CIT: variants seen among roughly 807,000 people sequenced by gnomAD.
CIT encodes the protein citron Rho-interacting kinase.
Under a neutral mutation model 272.7 loss-of-function variants are expected in CIT, and 79 were observed. The observed-to-expected ratio is 0.29, with a 90% CI of 0.24 to 0.35. CIT has a LOEUF of 0.35. CIT is among the 10% of genes least tolerant of loss of function. The probability of loss-of-function intolerance (pLI) is 1.00; values close to 1 mark genes in which losing one functional copy is unlikely to be tolerated. For missense variants in CIT, 1,909 were observed against 2,618.3 expected (o/e 0.73, Z 5.91); for synonymous variants, 948 against 995.6 (o/e 0.95, Z 0.90).
chr12:119,794,784 C>T (rs1247827248), intron 10 of CIT, among the ~76,000 whole-genome samples: 4 of 152,140 alleles, frequency 2.6e-5, no homozygotes, highest in Non-Finnish European at 5.9e-5. Flanking sequence ...TCCAAAGCAC[C>T]CCATACCCAT....
Position 119,690,801 on chromosome 12 carries a change from C to G in CIT, c.5883-347G>C, listed in dbSNP as rs535271521. 6.6e-6 allele frequency among the ~76,000 whole-genome samples: 1 copy of G among 152,354 alleles called. No individual in the cohort carries two copies. Among genetic ancestry groups the G allele is most frequent in the South Asian group, 2.1e-4 (1 of 4,832 alleles). ...ATGAACAAGCATGACCCTCACTGTA[C>G]AGGCAAGAAAATGGGGACAGACAGG... On this transcript the variant is annotated intron_variant, in intron 46 of 47. Transcript: ENST00000392521. This position sits in a 1 kb window ranked among gnomAD's most constrained non-coding sequence, Gnocchi z 6.0.
chr12:119,855,362 G>A (rs1970517875), intron 4 of CIT, among the ~76,000 whole-genome samples: 1 of 152,140 alleles, frequency 6.6e-6, no homozygotes, highest in African/African-American at 2.4e-5. Flanking sequence ...GGCGGAGCTT[G>A]CAGTGAGCTG....
At chr12:119,775,158 A>C (rs1056733690) in intron 16 of CIT, among the ~76,000 whole-genome samples, 1 of 151,966 alleles carries the variant, frequency 6.6e-6, no homozygotes, top group African/African-American at 2.4e-5. Flanking sequence ...CTGTAATCCC[A>C]GCTATTCAGG....
At chr12:119,835,440 G>A (rs78524214) in intron 5 of CIT, among the ~76,000 whole-genome samples, 2,208 of 152,102 alleles carry the variant, frequency 0.015, 29 homozygotes, top group Non-Finnish European at 0.02. Context: ...TTTCTGCTCT[G>A]GCCAGCAAAA....
intron 19 of CIT, among the ~76,000 whole-genome samples, chr12:119,763,333 A>G (rs985436598): frequency 3.5e-4 from 2 of 5,792 alleles, no homozygotes; most frequent in African/African-American, 5.0e-3. Context: ...CGATCCTCCC[A>G]CCTCAGGCTC....
chr12:119,821,515 G>C (rs1160951942), intron 9 of CIT, among the ~76,000 whole-genome samples: 1 of 152,148 alleles, frequency 6.6e-6, no homozygotes, highest in Non-Finnish European at 1.5e-5. Context: ...ACAGATAGGA[G>C]GGTGGGGGAC....
At chr12:119,797,604 CAG>C (rs1442173426) in intron 10 of CIT, among the ~76,000 whole-genome samples, 2 of 152,216 alleles carry the variant, frequency 1.3e-5, no homozygotes, top group Non-Finnish European at 2.9e-5. Context: ...CTTCGTGTAG[CAG>C]AGACGACTCT....
At chr12:119,743,368 G>A (rs1027017909) in intron 23 of CIT, among the ~76,000 whole-genome samples, 4 of 152,144 alleles carry the variant, frequency 2.6e-5, no homozygotes, top group Non-Finnish European at 4.4e-5. Flanking sequence ...GACAGGAGAC[G>A]GCAGAGGGAG....
intron 23 of CIT, among the ~76,000 whole-genome samples, chr12:119,746,851 A>G (rs1959487882): frequency 6.6e-6 from 1 of 152,218 alleles, no homozygotes; most frequent in South Asian, 2.1e-4. Flanking sequence ...TAACTACTGA[A>G]CTAGTCACAG....
chr12:119,692,063 A>G (rs1217049438), intron 46 of CIT, among the ~76,000 whole-genome samples: 9 of 152,212 alleles, frequency 5.9e-5, no homozygotes, highest in African/African-American at 1.9e-4. Flanking sequence ...GTTTTGTGCT[A>G]ATTGTCTCAA....
chr12:119,752,384 G>GA lies in CIT; in HGVS notation c.2707-138dup, dbSNP rs1960383033. On this transcript the variant is annotated intron_variant, in intron 22 of 47. Coordinates refer to ENST00000392521, the MANE Select transcript of CIT (RefSeq NM_001206999.2). Reference sequence around the variant, plus strand: ...ACCACCTTCTCGGCACTCGATAGAGGAGAGGAAAATGCAACAAAATGGGCC... The same window carrying GA: ...ACCACCTTCTCGGCACTCGATAGAGGAAGAGGAAAATGCAACAAAATGGGCC... 3.9e-6 allele frequency: 3 copies of GA among 761,638 alleles called. No homozygotes were observed. The African/African-American group carries it at 5.3e-5, about 13-fold the overall frequency. 47.2% of individuals were successfully genotyped at this position (761,638 alleles called of 1,614,324 possible).
chr12:119,805,675 G>A (rs138375161), intron 9 of CIT, among the ~76,000 whole-genome samples: 1 of 152,328 alleles, frequency 6.6e-6, no homozygotes, highest in South Asian at 2.1e-4. Context: ...ATTTCTGAGT[G>A]AGAAGTATAA....
chr12:119,870,015 A>G (rs1950621835), intron 2 of CIT, among the ~76,000 whole-genome samples: 1 of 152,170 alleles, frequency 6.6e-6, no homozygotes, highest in African/African-American at 2.4e-5. Context: ...CCCCAAAGAC[A>G]TGAGTCTGCA....
chr12:119,744,689 T>C (rs1232147476), intron 23 of CIT, among the ~76,000 whole-genome samples: 1 of 118,704 alleles, frequency 8.4e-6, no homozygotes, highest in Non-Finnish European at 1.6e-5. Context: ...CACTCCAGCC[T>C]GGGCAACAGG....
rs1964534980 is a variant in CIT, at chr12:119,783,977, C to T, written c.1476G>A (p.Glu492=). 1 of 1,613,512 alleles carries T rather than the reference C, an allele frequency of 6.2e-7. No individual in the cohort carries two copies. The highest frequency in any genetic ancestry group is 2.2e-5 in the East Asian group (1 of 44,888). ...ATCTCTGAGTCTCAGAGGCCTTCAG[C>T]TCCACCTCCTTCTGACTAAGCACAG... ...VEAVLSQKEV[E]LKASETQRSL... The change falls in exon 12 of 48, where the codon GAG becomes GAA. Residue 492 remains glutamate (E), a synonymous_variant. Coordinates refer to ENST00000392521, the MANE Select transcript of CIT (RefSeq NM_001206999.2).
intron 5 of CIT, among the ~76,000 whole-genome samples, chr12:119,836,661 C>A (rs954639213): frequency 6.6e-6 from 1 of 152,060 alleles, no homozygotes; most frequent in Non-Finnish European, 1.5e-5. Context: ...TATGACGACA[C>A]GCCACAGTTA....
At chr12:119,859,944 G>A (rs1439074385) in intron 3 of CIT, among the ~76,000 whole-genome samples, 2 of 152,162 alleles carry the variant, frequency 1.3e-5, no homozygotes, top group Non-Finnish European at 2.9e-5. Flanking sequence ...ATTCTCCAGA[G>A]TAGCTGGGAC....
chr12:119,777,478 T>G (rs1963875773), intron 13 of CIT, among the ~76,000 whole-genome samples: 1 of 152,092 alleles, frequency 6.6e-6, no homozygotes, highest in South Asian at 2.1e-4. Flanking sequence ...GAGACCAGCA[T>G]GGCCAACATG....
At position 119,839,618 on chromosome 12, in the gene CIT, C is replaced by G. The variant is rs77208994; in HGVS notation, c.517-5390G>C. Reference sequence around the variant, plus strand: ...GACCAAGAGAAAAAGAGAGAAGCACCTTTATCTTAGAAAACATGAAACCCA... The same window carrying G: ...GACCAAGAGAAAAAGAGAGAAGCACGTTTATCTTAGAAAACATGAAACCCA... On this transcript the variant is annotated intron_variant, in intron 5 of 47. Transcript: ENST00000392521. 7.7e-3 allele frequency among the ~76,000 whole-genome samples: 1,165 copies of G among 152,188 alleles called. 13 individuals carry two copies. Among genetic ancestry groups the G allele is most frequent in the African/African-American group, 0.027 (1,139 of 41,522 alleles).
Sources: allele counts gnomAD v4.1 joint callset (sites outside exome capture counted in the v4.1 genomes callset), GRCh38; gene constraint gnomAD v4.1.1; non-coding constraint Gnocchi (gnomAD v3.1); transcripts MANE v1.5; gene names NCBI Gene and HGNC (gene_info 2026-07-23, HGNC 2026-07-21).